The following ATXN1 variants were observed in gnomAD, a reference collection of about 807,000 sequenced individuals.
ATXN1 encodes ataxin-1.
ATXN1 carries 8 observed loss-of-function variants against 56.4 expected under a neutral mutation model. The observed-to-expected ratio is 0.14, with a 90% CI of 0.08 to 0.26. The LOEUF is 0.26. ATXN1 is among the 10% of genes least tolerant of loss of function. ATXN1 has a pLI of 1.00. For missense variants in ATXN1, 987 were observed against 1,106.5 expected, an observed-to-expected ratio of 0.89 and a Z score of 1.53; for synonymous variants, 514 against 494.6, an observed-to-expected ratio of 1.04 and a Z score of -0.52.
chr6:16,726,587 G>A (rs948670701), intron 2 of ATXN1, among the ~76,000 whole-genome samples: 5 of 151,812 alleles, frequency 3.3e-5, no homozygotes, highest in African/African-American at 7.3e-5. Context: ...TTTCTTGGCC[G>A]GGCCCGGTAG....
chr6:16,443,979 G>C (rs150252656), intron 6 of ATXN1, among the ~76,000 whole-genome samples: 2 of 152,096 alleles, frequency 1.3e-5, no homozygotes, highest in African/African-American at 4.8e-5. Context: ...AGCCAGGCGT[G>C]GTGGCGGGCG....
At chr6:16,447,387 C>A (rs1415152650) in intron 6 of ATXN1, among the ~76,000 whole-genome samples, 1 of 152,050 alleles carries the variant, frequency 6.6e-6, no homozygotes, top group Non-Finnish European at 1.5e-5. Flanking sequence ...ACCCACCCAG[C>A]TAATTTTTGT....
intron 2 of ATXN1, among the ~76,000 whole-genome samples, chr6:16,731,454 CTTTTTTTTTTTT>C (rs71559655): frequency 1.3e-4 from 11 of 81,756 alleles, no homozygotes; most frequent in African/African-American, 1.9e-4. Context: ...TTTTTCTTTT[CTTTTTTTTTTTT>C]TTTTTTTTTT....
intron 6 of ATXN1, among the ~76,000 whole-genome samples, chr6:16,338,528 T>A (rs902788188): frequency 1.3e-5 from 2 of 152,226 alleles, no homozygotes; most frequent in East Asian, 3.8e-4. Context: ...CGATTATACA[T>A]GTGCCCAAGT....
At chr6:16,371,158 T>C (rs1762032535) in intron 6 of ATXN1, among the ~76,000 whole-genome samples, 1 of 152,202 alleles carries the variant, frequency 6.6e-6, no homozygotes, top group Non-Finnish European at 1.5e-5. Flanking sequence ...CGTCTAAGAA[T>C]AGCACTTAAT....
intron 2 of ATXN1, among the ~76,000 whole-genome samples, chr6:16,669,982 C>A (rs1407837802): frequency 6.6e-6 from 1 of 152,206 alleles, no homozygotes; most frequent in Non-Finnish European, 1.5e-5. Context: ...CCCCATGACC[C>A]CCAACCAAGA....
At chr6:16,637,288 T>C (rs962218526) in intron 3 of ATXN1, among the ~76,000 whole-genome samples, 2 of 145,198 alleles carry the variant, frequency 1.4e-5, no homozygotes, top group African/African-American at 2.6e-5. Context: ...TAGGTGGGAA[T>C]TGAACAATGA....
At chr6:16,486,707 G>A (rs1366376455) in intron 5 of ATXN1, among the ~76,000 whole-genome samples, 1 of 152,116 alleles carries the variant, frequency 6.6e-6, no homozygotes, top group East Asian at 1.9e-4. Flanking sequence ...GAATCTCCGG[G>A]AAAAAGAAAG....
chr6:16,719,085 C>T (rs559914606), intron 2 of ATXN1, among the ~76,000 whole-genome samples: 67 of 152,292 alleles, frequency 4.4e-4, no homozygotes, highest in Admixed American at 4.2e-3. Flanking sequence ...ACTTAATAAA[C>T]ATTTGTTGAA....
intron 3 of ATXN1, among the ~76,000 whole-genome samples, chr6:16,643,323 C>T (rs1245806344): frequency 6.6e-6 from 1 of 151,142 alleles, no homozygotes; most frequent in Non-Finnish European, 1.5e-5. Flanking sequence ...CTCTTCCTAA[C>T]AGGCACTACA....
At chr6:16,458,947 G>A (rs535453406) in intron 6 of ATXN1, among the ~76,000 whole-genome samples, 11 of 152,334 alleles carry the variant, frequency 7.2e-5, no homozygotes, top group African/African-American at 2.6e-4. Context: ...TTGAGGGCCA[G>A]GAAATTGACT....
rs1561893707 is a variant in ATXN1 at position 16,432,370 on chromosome 6, T to C, written c.-161+53602A>G. ...AGGATATGCAAATCTCTCTGTTCCATAGCTCATTTGCATGGTTTTCATTGG... is the reference window on the plus strand; with the variant it reads ...AGGATATGCAAATCTCTCTGTTCCACAGCTCATTTGCATGGTTTTCATTGG... On this transcript the variant is annotated intron_variant, in intron 6 of 7. Coordinates refer to ENST00000436367, the MANE Select transcript of ATXN1 (RefSeq NM_001128164.2). Among the ~76,000 whole-genome samples, 10 of 152,370 alleles carry C rather than the reference T, an allele frequency of 6.6e-5. 1 individual carries two copies. In the South Asian group the frequency reaches 1.9e-3, roughly 28 times the overall value.
At chr6:16,359,507 G>A (rs1262947514) in intron 6 of ATXN1, among the ~76,000 whole-genome samples, 1 of 151,950 alleles carries the variant, frequency 6.6e-6, no homozygotes, top group Non-Finnish European at 1.5e-5. Flanking sequence ...CTGCAGAGAT[G>A]ACCTGCTGGC....
At position 16,584,271 on chromosome 6, in the gene ATXN1, C is replaced by CACACACAT. The variant is rs770282172; in HGVS notation, c.-361+1508_-361+1509insATGTGTGT. Among the ~76,000 whole-genome samples, 283 of 140,304 alleles carry CACACACAT rather than the reference C, an allele frequency of 2.0e-3. 1 individual carries two copies. The highest frequency in any genetic ancestry group is 5.5e-3 in the African/African-American group (212 of 38,756). 92.0% of individuals were successfully genotyped at this position (140,304 alleles called of 152,430 possible). A position where few individuals can be genotyped will look rare whatever the true frequency, so the allele number is the denominator to read the frequency against. ...ACACACACACACACACACACACACA[C>CACACACAT]ATATACACATATATATATATACACA... is the stretch of plus-strand genomic sequence containing the variant. On this transcript the variant is annotated intron_variant, in intron 4 of 7. Transcript: ENST00000436367.
At chr6:16,745,933 CGT>C (rs60773814) in intron 2 of ATXN1, among the ~76,000 whole-genome samples, 10,577 of 147,150 alleles carry the variant, frequency 0.072, 496 homozygotes, top group East Asian at 0.14. Flanking sequence ...CTATGCCTTC[CGT>C]GTGTGTGTGT....
At chr6:16,405,073 A>G (rs1189947701) in intron 6 of ATXN1, among the ~76,000 whole-genome samples, 2 of 152,224 alleles carry the variant, frequency 1.3e-5, no homozygotes, top group Non-Finnish European at 2.9e-5. Context: ...GCCAACAAGT[A>G]TGTACATTTC....
chr6:16,755,617 A>G (rs933217234), intron 1 of ATXN1, among the ~76,000 whole-genome samples: 14 of 152,226 alleles, frequency 9.2e-5, no homozygotes, highest in African/African-American at 4.8e-5. Flanking sequence ...TTTGAACGTT[A>G]GAAGGATAGA....
chr6:16,754,514 C>T (rs1006014308), intron 1 of ATXN1: 6 of 152,232 alleles, frequency 3.9e-5, no homozygotes, highest in Middle Eastern at 3.4e-3. Flanking sequence ...CATCTCGGTA[C>T]TCATGATTAT....
At chr6:16,742,247 C>G (rs1013796793) in intron 2 of ATXN1, among the ~76,000 whole-genome samples, 30 of 152,122 alleles carry the variant, frequency 2.0e-4, no homozygotes, top group Admixed American at 1.2e-3. Context: ...AAGGCAGCAG[C>G]TGGGGAACAC....
Sources: allele counts gnomAD v4.1 joint callset (sites outside exome capture counted in the v4.1 genomes callset), GRCh38; gene constraint gnomAD v4.1.1; transcripts MANE v1.5; gene names NCBI Gene and HGNC (gene_info 2026-07-23, HGNC 2026-07-21).